Variants in KALRN observed in about 807,000 individuals in gnomAD.
KALRN encodes the protein kalirin RhoGEF kinase.
Under a neutral mutation model 353.7 loss-of-function variants are expected in KALRN, and 70 were observed. The ratio of observed to expected loss-of-function variants is 0.20; its 90% CI spans 0.16 to 0.24. KALRN has a LOEUF of 0.24. KALRN is among the 10% of genes least tolerant of loss of function. KALRN has a pLI of 1.00. For missense variants in KALRN, 2,791 were observed against 3,756.7 expected (o/e 0.74, Z 6.72); for synonymous variants, 1,391 against 1,434.8 (o/e 0.97, Z 0.69).
chr3:124,519,225 A>C (rs1312032742), intron 33 of KALRN: 29 of 969,596 alleles, frequency 3.0e-5, no homozygotes, highest in Non-Finnish European at 3.6e-5. Flanking sequence ...TAAATGAAAA[A>C]CTGGCCACAT....
intron 10 of KALRN, among the ~76,000 whole-genome samples, chr3:124,359,970 A>G (rs1471362968): frequency 6.6e-6 from 1 of 152,222 alleles, no homozygotes; most frequent in African/African-American, 2.4e-5. Context: ...AACATCATCA[A>G]GCGTTAAGTG....
At chr3:124,043,031 A>G (rs1001117071) in intron 1 of KALRN, among the ~76,000 whole-genome samples, 2 of 152,232 alleles carry the variant, frequency 1.3e-5, no homozygotes, top group Admixed American at 1.3e-4. Context: ...GAGAACCAGG[A>G]GAGAGCAATA....
chr3:124,234,364 T>C (rs2079515394), intron 2 of KALRN, among the ~76,000 whole-genome samples: 1 of 152,186 alleles, frequency 6.6e-6, no homozygotes, highest in Non-Finnish European at 1.5e-5. Flanking sequence ...CTTCTCACCA[T>C]AGTAGTCAGC....
intron 17 of KALRN, among the ~76,000 whole-genome samples, chr3:124,438,291 G>A (rs1400333350): frequency 6.6e-6 from 1 of 152,098 alleles, no homozygotes; most frequent in Non-Finnish European, 1.5e-5. Flanking sequence ...TGTCTTTCAG[G>A]TTAACCCAAA....
chr3:124,355,709 C>CTTTTTTTTTTTTTTTTTTT (rs3055894), intron 10 of KALRN, among the ~76,000 whole-genome samples: 5 of 97,410 alleles, frequency 5.1e-5, no homozygotes, highest in African/African-American at 1.6e-4. Flanking sequence ...TCTCTCCCAT[C>CTTTTTTTTTTTTTTTTTTT]TTTTTTTTTT....
chr3:124,365,160 G>T (rs1159099054), intron 10 of KALRN, among the ~76,000 whole-genome samples: 6 of 152,116 alleles, frequency 3.9e-5, no homozygotes, highest in African/African-American at 1.4e-4. Flanking sequence ...GCACCTCAAG[G>T]AGAAACTTGT....
Position 124,718,996 on chromosome 3 carries a change from C to T in KALRN, c.8487C>T (p.Val2829=). ...AGCTCATTGACTTGGAGGATGCTGT[C>T]CAGATCTCGGGTCACTTCCACATTC... ...RVKLIDLEDA[V]QISGHFHIHH... The change falls in exon 60 of 60, where the codon GTC becomes GTT. Residue 2829 remains valine, a synonymous_variant. Coordinates refer to ENST00000682506, the MANE Select transcript of KALRN (RefSeq NM_001388419.1). The T allele has an allele frequency of 6.2e-7, 1 of 1,614,080 alleles. No homozygotes were observed. Among genetic ancestry groups the T allele is most frequent in the South Asian group, 1.1e-5 (1 of 91,080 alleles).
intron 34 of KALRN, among the ~76,000 whole-genome samples, chr3:124,597,908 A>G (rs1213837024): frequency 6.6e-6 from 1 of 152,320 alleles, no homozygotes; most frequent in African/African-American, 2.4e-5. Context: ...TAAATTTTAT[A>G]TATCTCTGTA....
At chr3:124,092,504 AT>A (rs1429876917) in intron 1 of KALRN, among the ~76,000 whole-genome samples, 4 of 152,210 alleles carry the variant, frequency 2.6e-5, no homozygotes, top group Non-Finnish European at 4.4e-5. Context: ...AAGTGGCCAC[AT>A]TTGGACCCTC....
rs34410053 is a variant in KALRN at position 124,723,891 on chromosome 3, G to A, written c.*4421G>A. On this transcript the variant is annotated 3_prime_UTR_variant, in exon 60 of 60. Transcript: ENST00000682506. The stretch of plus-strand genomic sequence containing the variant: ...ACTTTCTTCACTTGGGAGGGCAGAA[G>A]TGAGAAGAAAATATCTTCTCATACC... 6.6e-6 allele frequency: 1 copy of A among 152,168 alleles called. No individual in the cohort carries two copies. Among genetic ancestry groups the A allele is most frequent in the South Asian group, 2.1e-4 (1 of 4,832 alleles). 9.4% of individuals were successfully genotyped at this position (152,168 alleles called of 1,614,324 possible). A position where few individuals can be genotyped will look rare whatever the true frequency, so the allele number is the denominator to read the frequency against.
chr3:124,681,802 G>A (rs1403147156), intron 51 of KALRN, among the ~76,000 whole-genome samples: 1 of 151,890 alleles, frequency 6.6e-6, no homozygotes, highest in Non-Finnish European at 1.5e-5. Context: ...GCTAATTTTT[G>A]TATTTTTGGT....
At chr3:124,144,632 CTCA>C (rs1214580699) in intron 1 of KALRN, among the ~76,000 whole-genome samples, 23 of 150,928 alleles carry the variant, frequency 1.5e-4, no homozygotes, top group Admixed American at 3.3e-4. Context: ...CCTCCTCTTC[CTCA>C]TCCTCCTCCT....
At chr3:124,510,119 C>A (rs1215086760) in intron 33 of KALRN, among the ~76,000 whole-genome samples, 3 of 152,132 alleles carry the variant, frequency 2.0e-5, no homozygotes, top group Admixed American at 2.0e-4. Context: ...AACAAACAAG[C>A]ACAATGTGAT....
chr3:124,076,071 G>A (rs2060246194), intron 1 of KALRN, among the ~76,000 whole-genome samples: 3 of 152,240 alleles, frequency 2.0e-5, no homozygotes, highest in African/African-American at 7.2e-5. Flanking sequence ...CAGAATCTCT[G>A]CAGGACAGAC....
At chr3:124,614,837 G>A (rs2149598574) in intron 34 of KALRN, among the ~76,000 whole-genome samples, 1 of 152,284 alleles carries the variant, frequency 6.6e-6, no homozygotes, top group East Asian at 1.9e-4. Flanking sequence ...CTCCCAAAAT[G>A]TTGAGATTAC....
intron 38 of KALRN, among the ~76,000 whole-genome samples, chr3:124,654,367 C>T (rs1460595189): frequency 6.6e-6 from 1 of 152,146 alleles, no homozygotes; most frequent in African/African-American, 2.4e-5. Context: ...GCTTCTGGGG[C>T]TATACGGAGC....
rs185969825 is a variant in KALRN at position 124,108,483 on chromosome 3, C to T, written c.73+74670C>T. Among the ~76,000 whole-genome samples the T allele has an allele frequency of 2.8e-4, 42 of 152,302 alleles. No homozygotes were observed. The East Asian group carries it at 7.7e-3, about 28-fold the overall frequency. On this transcript the variant is annotated intron_variant, in intron 1 of 59. Coordinates refer to ENST00000682506, the MANE Select transcript of KALRN (RefSeq NM_001388419.1). The stretch of plus-strand genomic sequence containing the variant: ...CCATTCATTAAGTACTTCTAGCTGC[C>T]TACATGTTTGGGCACACAGTTAGAT...
chr3:124,686,720 G>C (rs902040675), intron 51 of KALRN, among the ~76,000 whole-genome samples: 5 of 150,660 alleles, frequency 3.3e-5, no homozygotes, highest in African/African-American at 4.9e-5. Flanking sequence ...CCAAGGAACA[G>C]CAGTAGGTTT....
At chr3:124,582,337 A>G (rs1232190392) in intron 34 of KALRN, among the ~76,000 whole-genome samples, 1 of 152,106 alleles carries the variant, frequency 6.6e-6, no homozygotes, top group Non-Finnish European at 1.5e-5. Context: ...AGCAATTTGA[A>G]CTGTAATTTC....
Sources: allele counts gnomAD v4.1 joint callset (sites outside exome capture counted in the v4.1 genomes callset), GRCh38; gene constraint gnomAD v4.1.1; transcripts MANE v1.5; gene names NCBI Gene and HGNC (gene_info 2026-07-23, HGNC 2026-07-21).